The following MARK3 variants were observed in gnomAD, a reference collection of about 807,000 sequenced individuals.
The protein encoded by MARK3 is MAP/microtubule affinity-regulating kinase 3.
MARK3 carries 46 observed loss-of-function variants against 90.1 expected under a neutral mutation model. The observed-to-expected ratio is 0.51, with a 90% CI of 0.40 to 0.65. The LOEUF (loss-of-function observed/expected upper bound fraction) is 0.65. MARK3 is among the 30% of genes least tolerant of loss of function. The pLI is 0.00. For synonymous variants in MARK3, 321 were observed against 332.6 expected, an observed-to-expected ratio of 0.97 and a Z score of 0.38; for missense variants, 818 against 947.2, an observed-to-expected ratio of 0.86 and a Z score of 1.79.
At chr14:103,468,876 A>G (rs550350578) in intron 12 of MARK3, among the ~76,000 whole-genome samples, 1 of 148,734 alleles carries the variant, frequency 6.7e-6, no homozygotes, top group East Asian at 2.0e-4. Context: ...CTATTCTCTC[A>G]CCACAGCGTT....
Position 103,385,972 on chromosome 14 carries a change from C to A in MARK3, c.-58C>A. The A allele has an allele frequency of 2.1e-6, 3 of 1,455,522 alleles. No homozygotes were observed. The South Asian group carries it at 3.4e-5, about 17-fold the overall frequency. The allele number at this position is 1,455,522 out of a possible 1,614,324, so 90.2% of individuals were successfully genotyped here. A position where few individuals can be genotyped will look rare whatever the true frequency, so the allele number is the denominator to read the frequency against. On this transcript the variant is annotated 5_prime_UTR_variant, in exon 1 of 18. Coordinates refer to ENST00000429436, the MANE Select transcript of MARK3 (RefSeq NM_001128918.3). ...CTCGAGGACGCTGGTCGCCGGCCTCCTAGGGCTGTGCTGTTTTGTTTTGAC... is the reference window on the plus strand; with the variant it reads ...CTCGAGGACGCTGGTCGCCGGCCTCATAGGGCTGTGCTGTTTTGTTTTGAC...
chr14:103,484,918 T>C (rs2093896092), intron 14 of MARK3, among the ~76,000 whole-genome samples: 1 of 149,442 alleles, frequency 6.7e-6, no homozygotes, highest in South Asian at 2.1e-4. Context: ...AGACTCTGTC[T>C]CAAAAACAAA....
chr14:103,418,478 C>T (rs778063564), intron 2 of MARK3, among the ~76,000 whole-genome samples: 2 of 151,962 alleles, frequency 1.3e-5, no homozygotes, highest in Admixed American at 6.6e-5. Context: ...ATTGAAGACC[C>T]CAGATATTTG....
intron 15 of MARK3, among the ~76,000 whole-genome samples, chr14:103,494,380 A>G (rs1056675072): frequency 1.3e-5 from 2 of 151,592 alleles, no homozygotes; most frequent in Admixed American, 6.6e-5. Context: ...GGAGAAACCC[A>G]GTCTCTACTA....
intron 6 of MARK3, among the ~76,000 whole-genome samples, chr14:103,461,159 A>G (rs2093393772): frequency 6.6e-6 from 1 of 152,196 alleles, no homozygotes; most frequent in Non-Finnish European, 1.5e-5. Flanking sequence ...ACCAACAGTA[A>G]TTTTATTATA....
chr14:103,468,482 G>A (rs2093561401), intron 12 of MARK3, among the ~76,000 whole-genome samples: 1 of 151,730 alleles, frequency 6.6e-6, no homozygotes, highest in South Asian at 2.1e-4. Flanking sequence ...GTACCACCAT[G>A]CCTGGCTAAG....
In MARK3 at chr14:103,503,005, CAA is replaced by C; in HGVS notation, c.2042_2043del (p.Lys681SerfsTer6). 6.2e-7 allele frequency: 1 copy of C among 1,614,240 alleles called. No individual in the cohort carries two copies. The highest frequency in any genetic ancestry group is 8.5e-7 in the Non-Finnish European group (1 of 1,180,052). The stretch of plus-strand genomic sequence containing the variant: ...CCGGGGACATGATGCGGGAAATCCG[CAA>C]AGTGTTGGACGCCAATAACTGCGAC... ...DPGDMMREIRKVLDANNCDYE... is the reference protein window; with the variant it reads ...DPGDMMREIRXVLDANNCDYE... On this transcript the variant is annotated frameshift_variant, in exon 18 of 18. Transcript: ENST00000429436. LOFTEE classifies it high-confidence loss of function.
chr14:103,478,022 C>T (rs1460158274), intron 13 of MARK3, among the ~76,000 whole-genome samples: 6 of 147,430 alleles, frequency 4.1e-5, no homozygotes, highest in South Asian at 2.2e-4. Context: ...AGTGGCCGGG[C>T]GCAGTGGCTC....
chr14:103,441,887 A>G (rs1374411014), intron 3 of MARK3, among the ~76,000 whole-genome samples: 2 of 152,062 alleles, frequency 1.3e-5, no homozygotes, highest in African/African-American at 2.4e-5. Flanking sequence ...TTTTATTTTC[A>G]TATTTTTAAA....
chr14:103,389,527 C>CAA (rs2090068219), intron 1 of MARK3, among the ~76,000 whole-genome samples: 2 of 19,370 alleles, frequency 1.0e-4, no homozygotes, highest in African/African-American at 1.5e-4. Flanking sequence ...GACTCTGTCT[C>CAA]CAAAAAAAAA....
intron 2 of MARK3, among the ~76,000 whole-genome samples, chr14:103,406,119 C>A (rs2140708346): frequency 6.6e-6 from 1 of 151,952 alleles, no homozygotes; most frequent in Middle Eastern, 3.4e-3. Flanking sequence ...TGGTCTTGAA[C>A]TCCTGTGTTC....
At chr14:103,428,560 C>T (rs2092482405) in intron 3 of MARK3, 120 bp downstream of exon 3, 1 of 629,080 alleles carries the variant, frequency 1.6e-6, no homozygotes, top group East Asian at 3.2e-5. Context: ...CTTCCTATTC[C>T]TCAAATGAAT....
intron 1 of MARK3, among the ~76,000 whole-genome samples, chr14:103,394,740 A>G (rs2090471371): frequency 6.6e-6 from 1 of 152,208 alleles, no homozygotes; most frequent in Admixed American, 6.5e-5. Context: ...AAATCAGAGA[A>G]GTTGAATTCA....
At chr14:103,459,135 A>G (rs913317709) in intron 6 of MARK3, among the ~76,000 whole-genome samples, 1 of 152,140 alleles carries the variant, frequency 6.6e-6, no homozygotes, top group African/African-American at 2.4e-5. Context: ...TTTGCTTCAT[A>G]CAATTTACAT....
chr14:103,444,132 T>C (rs530648480), intron 3 of MARK3, among the ~76,000 whole-genome samples: 10 of 151,560 alleles, frequency 6.6e-5, no homozygotes, highest in African/African-American at 2.4e-4. Context: ...CTCTCTCTCT[T>C]TTTTTTCTAC....
intron 1 of MARK3, among the ~76,000 whole-genome samples, chr14:103,397,009 G>A (rs953652284): frequency 1.4e-4 from 22 of 152,104 alleles, no homozygotes; most frequent in African/African-American, 5.3e-4. Flanking sequence ...GAAATATTGG[G>A]GGGTATATTG....
At chr14:103,496,294 G>A (rs2075335179) in intron 15 of MARK3, among the ~76,000 whole-genome samples, 1 of 152,040 alleles carries the variant, frequency 6.6e-6, no homozygotes, top group Non-Finnish European at 1.5e-5. Context: ...GGAAGATTAG[G>A]AAATGTCCAG....
At chr14:103,426,702 T>C (rs532678368) in intron 2 of MARK3, among the ~76,000 whole-genome samples, 1 of 152,248 alleles carries the variant, frequency 6.6e-6, no homozygotes, top group African/African-American at 2.4e-5. Context: ...CCAGAAGCTA[T>C]AGAAGCTATA....
intron 14 of MARK3, among the ~76,000 whole-genome samples, chr14:103,485,372 C>CA (rs1350278605): frequency 6.7e-6 from 1 of 148,994 alleles, no homozygotes; most frequent in Non-Finnish European, 1.5e-5. Context: ...CTCCTGGGCT[C>CA]AAATGATCCT....
Sources: gnomAD v4.1 joint callset for allele counts (sites outside exome capture counted in the v4.1 genomes callset) on GRCh38, gnomAD v4.1.1 for gene constraint, MANE v1.5 for transcripts, NCBI Gene and HGNC (gene_info 2026-07-23, HGNC 2026-07-21) for gene names.